The following DNAH11 variants were observed in gnomAD, a reference collection of about 807,000 sequenced individuals.
The protein encoded by DNAH11 is dynein axonemal heavy chain 11.
A neutral mutation model predicts 526.0 loss-of-function variants in DNAH11; 442 were observed. The ratio of observed to expected loss-of-function variants is 0.84; its 90% CI spans 0.78 to 0.91. The LOEUF is 0.91. Among genes scored for constraint, DNAH11 ranks in the 40% least tolerant of loss-of-function variants. The pLI is 0.00. For missense variants in DNAH11, 6,989 were observed against 5,448.7 expected, an observed-to-expected ratio of 1.28 and a Z score of -8.90; for synonymous variants, 2,461 against 1,935.9, an observed-to-expected ratio of 1.27 and a Z score of -7.12.
chr7:21,650,954 TA>T (rs11296456), intron 28 of DNAH11, among the ~76,000 whole-genome samples: 60,726 of 148,592 alleles, frequency 0.41, 12,453 homozygotes, highest in East Asian at 0.46. Flanking sequence ...ACTGTTATTT[TA>T]AAAAAAAAAA....
At chr7:21,773,165 T>TG (rs944921660) in intron 55 of DNAH11, among the ~76,000 whole-genome samples, 22 of 152,224 alleles carry the variant, frequency 1.4e-4, no homozygotes, top group Non-Finnish European at 2.9e-4. Flanking sequence ...GAATGTATAG[T>TG]GGGGGGTCTT....
intron 34 of DNAH11, among the ~76,000 whole-genome samples, chr7:21,689,885 C>T (rs898125521): frequency 1.3e-5 from 2 of 152,180 alleles, no homozygotes; most frequent in African/African-American, 4.8e-5. Context: ...TTTCCCTCTA[C>T]CTGTCTCTCA....
intron 42 of DNAH11, among the ~76,000 whole-genome samples, chr7:21,714,537 A>G (rs1784579262): frequency 1.3e-5 from 2 of 152,356 alleles, no homozygotes; most frequent in South Asian, 2.1e-4. Context: ...ATAGCTTTAT[A>G]CGTATTAATT....
At chr7:21,871,265 A>G (rs970239074) in intron 73 of DNAH11, among the ~76,000 whole-genome samples, 4 of 152,186 alleles carry the variant, frequency 2.6e-5, no homozygotes, top group Non-Finnish European at 5.9e-5. Context: ...ATTAAAAACC[A>G]TTTTTCAAGG....
chr7:21,727,661 C>T (rs2965383), intron 45 of DNAH11, among the ~76,000 whole-genome samples: 89,940 of 151,984 alleles, frequency 0.59, 26,824 homozygotes, highest in South Asian at 0.69. Context: ...CATTTTGGAG[C>T]TTATTATTTT....
At chr7:21,618,762 C>CA (rs1562705207) in intron 23 of DNAH11, among the ~76,000 whole-genome samples, 2 of 152,080 alleles carry the variant, frequency 1.3e-5, no homozygotes, top group Non-Finnish European at 2.9e-5. Flanking sequence ...CCTGGGATTT[C>CA]AACCAAATTA....
Position 21,639,036 on chromosome 7 carries a change from A to T in DNAH11, c.4915A>T (p.Ile1639Phe). Residue 1639 changes from isoleucine (I) to phenylalanine (F), a missense_variant, in exon 28 of 82, where the codon ATT becomes TTT. Physicochemically the swap from Ile to Phe is conservative, Grantham distance 21. Transcript: ENST00000409508. ...CGTCTCTTCTGCTGATTTACTTGAC[A>T]TTCTCTCAAAAGGAGCTCAGCCTAA... ...YFVSSADLLD[I>F]LSKGAQPKQV... The T allele has an allele frequency of 6.2e-7, 1 of 1,613,542 alleles. No individual in the cohort carries two copies. The highest frequency in any genetic ancestry group is 1.3e-5 in the African/African-American group (1 of 75,022).
chr7:21,792,755 AT>A (rs1261791332), intron 61 of DNAH11, among the ~76,000 whole-genome samples: 2 of 151,500 alleles, frequency 1.3e-5, no homozygotes, highest in East Asian at 1.9e-4. Flanking sequence ...ATTTTCATTT[AT>A]TTTTTTATTT....
chr7:21,767,874 ACTT>A (rs1421611333), intron 55 of DNAH11, among the ~76,000 whole-genome samples: 3 of 152,110 alleles, frequency 2.0e-5, no homozygotes, highest in African/African-American at 7.2e-5. Flanking sequence ...TAATTTAGGC[ACTT>A]CTTAATTATT....
chr7:21,740,083 A>G (rs187407754), intron 48 of DNAH11, among the ~76,000 whole-genome samples: 159 of 152,306 alleles, frequency 1.0e-3, no homozygotes, highest in Admixed American at 2.6e-3. Context: ...AATGACAAGT[A>G]TCAGCTGTTA....
Position 21,638,948 on chromosome 7 carries a change from T to G in DNAH11, c.4827T>G (p.Leu1609=). The G allele has an allele frequency of 1.2e-6, 2 of 1,607,700 alleles. No individual in the cohort carries two copies. The highest frequency in any genetic ancestry group is 1.1e-5 in the South Asian group (1 of 89,334). ...KLKDLQSRLS[L]CEKALAEYLE... is the part of the protein sequence containing the mutation. ...TTTTTCATTCATGTAGGCTTTCTCT[T>G]TGTGAAAAAGCTCTCGCTGAATACC... The change falls in exon 28 of 82, where the codon CTT becomes CTG. Residue 1609 remains leucine, a synonymous_variant. Coordinates refer to ENST00000409508, the MANE Select transcript of DNAH11 (RefSeq NM_001277115.2).
At chr7:21,716,195 G>A (rs1784654966) in intron 42 of DNAH11, among the ~76,000 whole-genome samples, 1 of 152,076 alleles carries the variant, frequency 6.6e-6, no homozygotes, top group South Asian at 2.1e-4. Flanking sequence ...TGTGGGTTTT[G>A]TTATATCCAC....
In DNAH11 at chr7:21,589,277, A is replaced by G. The variant is rs375927648; in HGVS notation, c.2043A>G (p.Gln681=). ...KYVEMTTLLD[Q]FESRIYNEWK... is the part of the protein sequence containing the mutation. ...TTGAAATGACCACTTTGCTTGATCA[A>G]TTTGAAAGTCGTATCTATAATGAAT... The change falls in exon 12 of 82, where the codon CAA becomes CAG. Residue 681 remains glutamine, a synonymous_variant. Transcript: ENST00000409508. The G allele has an allele frequency of 2.2e-5, 35 of 1,610,020 alleles. No homozygotes were observed. In the East Asian group the frequency reaches 3.6e-4, roughly 16 times the overall value.
At chr7:21,612,762 G>T (rs548934702) in intron 20 of DNAH11, among the ~76,000 whole-genome samples, 9 of 152,132 alleles carry the variant, frequency 5.9e-5, no homozygotes, top group African/African-American at 2.2e-4. Context: ...TCTTTCTCAC[G>T]TACATATAGA....
chr7:21,690,694 G>A (rs1783578707), intron 34 of DNAH11, 71 bp from the exon 35 acceptor site: 1 of 1,171,342 alleles, frequency 8.5e-7, no homozygotes, highest in Non-Finnish European at 1.2e-6. Flanking sequence ...TTTTGCAGTG[G>A]TTTGCATTTG....
intron 54 of DNAH11, among the ~76,000 whole-genome samples, chr7:21,762,334 C>T (rs914643612): frequency 1.3e-5 from 2 of 152,100 alleles, no homozygotes; most frequent in Admixed American, 6.5e-5. Context: ...GGATACTATG[C>T]CAGTTACAAG....
intron 37 of DNAH11, 80 bp from the exon 38 acceptor site, chr7:21,704,354 A>T: frequency 1.4e-6 from 2 of 1,402,126 alleles, no homozygotes; most frequent in Non-Finnish European, 2.0e-6. Flanking sequence ...TATGAGGAGT[A>T]AAAATAACAA....
intron 61 of DNAH11, among the ~76,000 whole-genome samples, chr7:21,800,759 G>A (rs1053598798): frequency 6.6e-6 from 1 of 152,206 alleles, no homozygotes; most frequent in African/African-American, 2.4e-5. Flanking sequence ...AACCAAACAA[G>A]TCACTGTTGT....
In DNAH11 at chr7:21,606,682, C is replaced by T; in HGVS notation, c.3801C>T (p.His1267=). The stretch of plus-strand genomic sequence containing the variant: ...CAGAGTTCAGAGAGAGATTCAGACA[C>T]TATGCCCCTCTTGGATTTAATGCAG... ...KQAEFRERFR[H]YAPLGFNAEN... The change falls in exon 20 of 82, where the codon CAC becomes CAT. Residue 1267 remains histidine (H), a synonymous_variant. Transcript: ENST00000409508. The T allele has an allele frequency of 6.3e-7, 1 of 1,585,608 alleles. No individual in the cohort carries two copies. Among genetic ancestry groups the T allele is most frequent in the Admixed American group, 1.7e-5 (1 of 57,894 alleles).
Sources: allele counts gnomAD v4.1 joint callset (sites outside exome capture counted in the v4.1 genomes callset), GRCh38; gene constraint gnomAD v4.1.1; transcripts MANE v1.5; gene names NCBI Gene and HGNC (gene_info 2026-07-23, HGNC 2026-07-21).